Variants in CDH13 observed in about 807,000 individuals in gnomAD.
CDH13 encodes cadherin 13, also known as cadherin-13.
Under a neutral mutation model 63.8 loss-of-function variants are expected in CDH13, and 24 were observed. That is an observed-to-expected ratio of 0.38 (90% CI 0.27 to 0.53). The LOEUF (loss-of-function observed/expected upper bound fraction) is 0.53, where lower values mean the gene tolerates loss of function less well. Ranked by LOEUF, CDH13 falls within the 20% of genes least tolerant of loss-of-function variation. The pLI is 0.85. For missense variants in CDH13, 1,049 were observed against 903.1 expected (o/e 1.16, Z -2.07); for synonymous variants, 503 against 355.3 (o/e 1.42, Z -4.67).
At chr16:83,058,608 CCACACAGGAAGAAA>C (rs1555572832) in intron 3 of CDH13, among the ~76,000 whole-genome samples, 1 of 152,158 alleles carries the variant, frequency 6.6e-6, no homozygotes, top group Non-Finnish European at 1.5e-5. Flanking sequence ...GCTCCCCTGA[CCACACAGGAAGAAA>C]ACATTAATGA....
At chr16:83,179,347 T>C (rs574244984) in intron 4 of CDH13, among the ~76,000 whole-genome samples, 13 of 151,976 alleles carry the variant, frequency 8.6e-5, no homozygotes, top group Non-Finnish European at 1.5e-4. Context: ...ATGATTTTAC[T>C]ATCAACAAAA....
At chr16:83,684,071 G>T (rs1904279834) in intron 10 of CDH13, among the ~76,000 whole-genome samples, 1 of 152,170 alleles carries the variant, frequency 6.6e-6, no homozygotes, top group Admixed American at 6.5e-5. Flanking sequence ...GAACTTGTTA[G>T]AAAGAGTAAC....
At chr16:82,881,469 G>A (rs1334478899) in intron 2 of CDH13, among the ~76,000 whole-genome samples, 1 of 152,166 alleles carries the variant, frequency 6.6e-6, no homozygotes, top group African/African-American at 2.4e-5. Context: ...AGGGAGCCAA[G>A]CCTGTATAAC....
At chr16:83,369,251 G>T (rs1054762958) in intron 6 of CDH13, among the ~76,000 whole-genome samples, 7 of 151,720 alleles carry the variant, frequency 4.6e-5, no homozygotes, top group Non-Finnish European at 7.4e-5. Flanking sequence ...TACACTGTTG[G>T]TGGGAAAATT....
intron 6 of CDH13, among the ~76,000 whole-genome samples, chr16:83,416,931 G>T (rs1455510150): frequency 6.6e-6 from 1 of 152,156 alleles, no homozygotes; most frequent in Non-Finnish European, 1.5e-5. Context: ...CTTTAGAACA[G>T]TGCCCGGCAC....
At chr16:83,757,851 G>A (rs1913640697) in intron 11 of CDH13, among the ~76,000 whole-genome samples, 1 of 152,024 alleles carries the variant, frequency 6.6e-6, no homozygotes, top group Admixed American at 6.6e-5. Flanking sequence ...AAAAGAGGCT[G>A]GGCATGGTAG....
At chr16:83,787,665 AG>A (rs1915977004) in intron 13 of CDH13, among the ~76,000 whole-genome samples, 1 of 152,110 alleles carries the variant, frequency 6.6e-6, no homozygotes, top group Non-Finnish European at 1.5e-5. Flanking sequence ...GCTTGCAGCT[AG>A]GTGCGGTGGC....
chr16:82,863,638 G>A (rs2040022479), intron 2 of CDH13, among the ~76,000 whole-genome samples: 1 of 152,086 alleles, frequency 6.6e-6, no homozygotes, highest in African/African-American at 2.4e-5. Flanking sequence ...ACAAATAAAT[G>A]GAAGCTGCTA....
chr16:83,461,703 G>C (rs1169803564), intron 6 of CDH13, among the ~76,000 whole-genome samples: 1 of 152,186 alleles, frequency 6.6e-6, no homozygotes, highest in African/African-American at 2.4e-5. Flanking sequence ...CCAGCATCTT[G>C]ATTTGAATAG....
chr16:83,545,375 T>G (rs988004774), intron 7 of CDH13, among the ~76,000 whole-genome samples: 7 of 152,212 alleles, frequency 4.6e-5, no homozygotes, highest in African/African-American at 1.7e-4. Flanking sequence ...CAGGGGAAGA[T>G]TCATTAATTT....
intron 12 of CDH13, among the ~76,000 whole-genome samples, chr16:83,781,938 A>G (rs563664936): frequency 1.3e-5 from 2 of 152,160 alleles, no homozygotes; most frequent in Non-Finnish European, 2.9e-5. Context: ...TTAAAAAAAA[A>G]AAGAAGAAAA....
At chr16:83,177,856 C>A (rs1393515819) in intron 4 of CDH13, among the ~76,000 whole-genome samples, 1 of 152,140 alleles carries the variant, frequency 6.6e-6, no homozygotes, top group Non-Finnish European at 1.5e-5. Flanking sequence ...GTAGTATTAC[C>A]TAATACCTGC....
At chr16:83,011,794 C>G (rs1444906528) in intron 2 of CDH13, among the ~76,000 whole-genome samples, 2 of 152,192 alleles carry the variant, frequency 1.3e-5, no homozygotes, top group African/African-American at 2.4e-5. Flanking sequence ...ACTTCTACAG[C>G]CAAACCCAGC....
At chr16:83,431,828 C>A (rs1458595050) in intron 6 of CDH13, among the ~76,000 whole-genome samples, 2 of 152,170 alleles carry the variant, frequency 1.3e-5, no homozygotes, top group African/African-American at 4.8e-5. Context: ...CCAGGCCCCA[C>A]CTCCAACACT....
chr16:83,602,104 CAACAAAAAAAAA>C (rs1567797540), intron 7 of CDH13, among the ~76,000 whole-genome samples: 3 of 3,722 alleles, frequency 8.1e-4, no homozygotes, highest in East Asian at 0.014. Context: ...AAAAGAACAA[CAACAAAAAAAAA>C]AAAAAAAAAA....
At chr16:82,848,788 A>C (rs1324333410) in intron 1 of CDH13, among the ~76,000 whole-genome samples, 1 of 152,230 alleles carries the variant, frequency 6.6e-6, no homozygotes, top group Non-Finnish European at 1.5e-5. Flanking sequence ...TAAGTGTTCA[A>C]GAGAAAGGAG....
At chr16:82,825,391 C>G (rs530877725) in intron 1 of CDH13, 1 of 152,064 alleles carries the variant, frequency 6.6e-6, no homozygotes, top group African/African-American at 2.4e-5. Flanking sequence ...TAATGCCTCA[C>G]TTTCTAGTAG....
intron 2 of CDH13, among the ~76,000 whole-genome samples, chr16:82,880,265 C>T (rs1357522527): frequency 2.0e-5 from 3 of 152,010 alleles, no homozygotes; most frequent in Non-Finnish European, 4.4e-5. Flanking sequence ...AATTATTAAC[C>T]CTGTAAACCG....
intron 6 of CDH13, among the ~76,000 whole-genome samples, chr16:83,401,183 A>C (rs2091962606): frequency 6.6e-6 from 1 of 151,878 alleles, no homozygotes; most frequent in South Asian, 2.1e-4. Flanking sequence ...TCTACCAAAA[A>C]TACAAAAATT....
Sources: allele counts gnomAD v4.1 joint callset (sites outside exome capture counted in the v4.1 genomes callset), GRCh38; gene constraint gnomAD v4.1.1; transcripts MANE v1.5; gene names NCBI Gene and HGNC (gene_info 2026-07-23, HGNC 2026-07-21).